Variants in NBEA observed in about 807,000 individuals in gnomAD.
NBEA encodes neurobeachin.
Under a neutral mutation model 343.4 loss-of-function variants are expected in NBEA, and 44 were observed. The ratio of observed to expected loss-of-function variants is 0.13; its 90% CI spans 0.10 to 0.16. NBEA has a LOEUF of 0.16. Ranked by LOEUF, NBEA falls within the 10% of genes least tolerant of loss-of-function variation. The pLI is 1.00. For synonymous variants in NBEA, 1,175 were observed against 1,238.7 expected (o/e 0.95, Z 1.08); for missense variants, 2,555 against 3,631.3 (o/e 0.70, Z 7.62).
At position 35,278,399 on chromosome 13, in the gene NBEA, T is replaced by C. The variant is rs527672642; in HGVS notation, c.5777-11990T>C. 1.2e-3 allele frequency among the ~76,000 whole-genome samples: 182 copies of C among 152,280 alleles called. 1 individual carries two copies. The highest frequency in any genetic ancestry group is 4.0e-3 in the African/African-American group (168 of 41,572). On this transcript the variant is annotated intron_variant, in intron 34 of 58. Coordinates refer to ENST00000379939, the MANE Select transcript of NBEA (RefSeq NM_001385012.1). ...CAATGCAATGTAATTGACCATTTTATGTTCAAGCCTAATCCCTGCTAAAAG... is the reference window on the plus strand; with the variant it reads ...CAATGCAATGTAATTGACCATTTTACGTTCAAGCCTAATCCCTGCTAAAAG...
chr13:35,038,101 C>T (rs769755354), intron 1 of NBEA, among the ~76,000 whole-genome samples: 68 of 152,124 alleles, frequency 4.5e-4, no homozygotes, highest in Admixed American at 3.9e-4. Flanking sequence ...CCACTTTTCC[C>T]CTTTTCCCCT....
chr13:34,989,333 T>A lies in NBEA; in HGVS notation c.294+46219T>A, dbSNP rs1360918291. 1.3e-5 allele frequency among the ~76,000 whole-genome samples: 2 copies of A among 151,078 alleles called. 1 individual carries two copies. Among genetic ancestry groups the A allele is most frequent in the Non-Finnish European group, 3.0e-5 (2 of 67,484 alleles). ...TAACTACAAGAGACTGGGTAATTTA[T>A]GAAGAAAAGAGATTTAATCGATTCA... is the stretch of plus-strand genomic sequence containing the variant. On this transcript the variant is annotated intron_variant, in intron 1 of 58. Transcript: ENST00000379939.
At position 35,168,876 on chromosome 13, in the gene NBEA, TTAAA is replaced by T. The variant is rs2070245558; in HGVS notation, c.4234-108_4234-105del. The T allele has an allele frequency of 5.7e-6, 4 of 698,472 alleles. No individual in the cohort carries two copies. The Admixed American group carries it at 1.5e-4, about 27-fold the overall frequency. 43.3% of individuals were successfully genotyped at this position (698,472 alleles called of 1,614,324 possible). A position where few individuals can be genotyped will look rare whatever the true frequency, so the allele number is the denominator to read the frequency against. ...TTAATAAAATAATCAAATATAATTT[TTAAA>T]TATATTATTTTGTGTTTCAATTTTA... On this transcript the variant is annotated intron_variant, in intron 24 of 58. Transcript: ENST00000379939.
intron 36 of NBEA, among the ~76,000 whole-genome samples, chr13:35,323,495 C>T (rs971470308): frequency 6.9e-5 from 10 of 145,512 alleles, no homozygotes; most frequent in Non-Finnish European, 1.2e-4. Flanking sequence ...TATTCTCACT[C>T]ATAGGTAGGA....
rs376740628 is a variant in NBEA, at chr13:35,229,771, T to G, written c.5649-2721T>G. On this transcript the variant is annotated intron_variant, in intron 33 of 58. Coordinates refer to ENST00000379939, the MANE Select transcript of NBEA (RefSeq NM_001385012.1). ...TAAAGGAGGTTCTTAGGCTGAAGTT[T>G]ATGTTTGTACCATTTTCTTTCAGAA... is the stretch of plus-strand genomic sequence containing the variant. Among the ~76,000 whole-genome samples, 9 of 152,274 alleles carry G rather than the reference T, an allele frequency of 5.9e-5. 1 individual carries two copies. The highest frequency in any genetic ancestry group is 2.2e-4 in the African/African-American group (9 of 41,584).
chr13:35,450,487 AAAC>A (rs1367573191), intron 39 of NBEA, among the ~76,000 whole-genome samples: 6 of 152,108 alleles, frequency 3.9e-5, no homozygotes, highest in Non-Finnish European at 7.4e-5. Flanking sequence ...ACCCTGTCTC[AAAC>A]AACAACAACA....
intron 1 of NBEA, among the ~76,000 whole-genome samples, chr13:34,950,558 T>C (rs532762246): frequency 1.3e-5 from 2 of 151,196 alleles, no homozygotes; most frequent in South Asian, 2.1e-4. Flanking sequence ...TAGAATATTC[T>C]AATTTTCTAA....
chr13:35,349,895 G>A (rs879762103), intron 37 of NBEA, among the ~76,000 whole-genome samples: 2 of 152,042 alleles, frequency 1.3e-5, no homozygotes, highest in Non-Finnish European at 2.9e-5. Context: ...GACCTAGCTG[G>A]CTGAAAAGCA....
At chr13:35,040,596 A>G (rs572812952) in intron 1 of NBEA, among the ~76,000 whole-genome samples, 2 of 152,058 alleles carry the variant, frequency 1.3e-5, no homozygotes, top group South Asian at 2.1e-4. Flanking sequence ...TAAATTCTGT[A>G]TTTTCTGTTG....
Position 34,953,470 on chromosome 13 carries a change from C to T in NBEA, c.294+10356C>T, listed in dbSNP as rs150742465. Reference sequence around the variant, plus strand: ...GTCATCATATTCTTCCATCTTTTGTCTAAAGAACAGCTCATCTTTCAAGAT... The same window carrying T: ...GTCATCATATTCTTCCATCTTTTGTTTAAAGAACAGCTCATCTTTCAAGAT... On this transcript the variant is annotated intron_variant, in intron 1 of 58. Transcript: ENST00000379939. 3.9e-5 allele frequency among the ~76,000 whole-genome samples: 6 copies of T among 152,214 alleles called. No homozygotes were observed. The East Asian group carries it at 1.2e-3, about 29-fold the overall frequency.
intron 47 of NBEA, among the ~76,000 whole-genome samples, chr13:35,606,070 A>G (rs948613919): frequency 7.2e-5 from 11 of 152,194 alleles, no homozygotes; most frequent in African/African-American, 2.7e-4. Context: ...AAGATTTTAC[A>G]CAACATAGAC....
At chr13:35,050,108 A>G (rs1218576597) in intron 5 of NBEA, among the ~76,000 whole-genome samples, 161 bp from the exon 6 acceptor site, 1 of 147,590 alleles carries the variant, frequency 6.8e-6, no homozygotes, top group South Asian at 2.1e-4. Flanking sequence ...TTTACTTATA[A>G]CTAACCTTTT....
At chr13:35,596,089 C>T (rs569007259) in intron 47 of NBEA, among the ~76,000 whole-genome samples, 99 of 151,092 alleles carry the variant, frequency 6.6e-4, no homozygotes, top group African/African-American at 2.2e-3. Context: ...TGTGTGTGTG[C>T]GTGTGCGTGT....
intron 20 of NBEA, among the ~76,000 whole-genome samples, chr13:35,156,830 A>G (rs1320486717): frequency 3.9e-5 from 6 of 152,172 alleles, no homozygotes; most frequent in Admixed American, 3.9e-4. Context: ...GAGAAAGTAG[A>G]GAAGCAATAA....
intron 39 of NBEA, among the ~76,000 whole-genome samples, chr13:35,438,214 T>C (rs953735597): frequency 2.0e-5 from 3 of 152,204 alleles, no homozygotes; most frequent in Admixed American, 2.0e-4. Context: ...AACATTCTTA[T>C]GTTCCTCAGA....
chr13:35,403,179 A>C (rs2043076052), intron 38 of NBEA, among the ~76,000 whole-genome samples: 1 of 151,714 alleles, frequency 6.6e-6, no homozygotes, highest in Non-Finnish European at 1.5e-5. Flanking sequence ...AATAATAAAT[A>C]AAAAATTAAT....
intron 38 of NBEA, among the ~76,000 whole-genome samples, chr13:35,408,467 G>A (rs2043398166): frequency 6.6e-6 from 1 of 152,072 alleles, no homozygotes. Context: ...ATTTCATGAC[G>A]AAGACACCAA....
intron 1 of NBEA, among the ~76,000 whole-genome samples, chr13:34,988,731 C>T (rs1219471838): frequency 5.3e-5 from 8 of 151,036 alleles, no homozygotes; most frequent in Admixed American, 1.3e-4. Context: ...CTTGTCTCGA[C>T]GTTTACTTTA....
chr13:35,441,220 A>G (rs2045720911), intron 39 of NBEA, among the ~76,000 whole-genome samples: 1 of 152,142 alleles, frequency 6.6e-6, no homozygotes, highest in African/African-American at 2.4e-5. Context: ...TTTGTGATAT[A>G]CTTAAAAGAA....
Sources: allele counts gnomAD v4.1 joint callset (sites outside exome capture counted in the v4.1 genomes callset), GRCh38; gene constraint gnomAD v4.1.1; transcripts MANE v1.5; gene names NCBI Gene and HGNC (gene_info 2026-07-23, HGNC 2026-07-21).